The following TBC1D1 variants were observed in gnomAD, a reference collection of about 807,000 sequenced individuals.
TBC1D1 encodes the protein TBC1 (tre-2/USP6, BUB2, cdc16) domain family, member 1.
A neutral mutation model predicts 125.6 loss-of-function variants in TBC1D1; 89 were observed. The ratio of observed to expected loss-of-function variants is 0.71; its 90% CI spans 0.60 to 0.85. TBC1D1 has a LOEUF of 0.85. TBC1D1 is among the 40% of genes least tolerant of loss of function. The pLI is 0.00. For missense variants in TBC1D1, 1,377 were observed against 1,469.2 expected (o/e 0.94, Z 1.03); for synonymous variants, 565 against 564.1 (o/e 1.00, Z -0.02).
chr4:37,919,343 T>G (rs1254567372), intron 2 of TBC1D1, among the ~76,000 whole-genome samples: 1 of 151,174 alleles, frequency 6.6e-6, no homozygotes, highest in East Asian at 1.9e-4. Context: ...TGTTTTTGTT[T>G]TTTTTTTTTT....
At chr4:38,062,838 C>T (rs1010702841) in intron 12 of TBC1D1, among the ~76,000 whole-genome samples, 1 of 152,154 alleles carries the variant, frequency 6.6e-6, no homozygotes, top group Non-Finnish European at 1.5e-5. Context: ...TTATTGGTGA[C>T]ACAAGATAGC....
chr4:37,985,268 T>A (rs903620922), intron 2 of TBC1D1, among the ~76,000 whole-genome samples: 4 of 152,236 alleles, frequency 2.6e-5, no homozygotes, highest in African/African-American at 9.6e-5. Context: ...TTATGATATT[T>A]ATGAATCTAA....
chr4:38,133,962 G>A (rs550169274), intron 19 of TBC1D1, among the ~76,000 whole-genome samples: 30 of 152,282 alleles, frequency 2.0e-4, no homozygotes, highest in African/African-American at 6.7e-4. Context: ...GCGGAGTGCA[G>A]CTCTTTTGTC....
intron 19 of TBC1D1, among the ~76,000 whole-genome samples, chr4:38,135,922 ATATGTGTGTG>A (rs1560284558): frequency 3.9e-5 from 3 of 76,760 alleles, no homozygotes; most frequent in Non-Finnish European, 8.0e-5. Flanking sequence ...GTGTGTGTGT[ATATGTGTGTG>A]TGTGTGTGTG....
chr4:37,899,161 T>TCACCAGAATG (rs1715295055), intron 1 of TBC1D1, among the ~76,000 whole-genome samples: 1 of 151,646 alleles, frequency 6.6e-6, no homozygotes, highest in Admixed American at 6.6e-5. Context: ...GAAAGAGTAG[T>TCACCAGAATG]TGGTGAAGTC....
chr4:37,933,061 AAACAAAAAAAC>A (rs1723612873), intron 2 of TBC1D1, among the ~76,000 whole-genome samples: 1 of 151,730 alleles, frequency 6.6e-6, no homozygotes, highest in African/African-American at 2.4e-5. Flanking sequence ...AAAAACAAAA[AAACAAAAAAAC>A]AAAAAAAACT....
intron 6 of TBC1D1, among the ~76,000 whole-genome samples, chr4:38,022,784 A>G (rs75632541): frequency 0.011 from 1,660 of 152,268 alleles, 28 homozygotes; most frequent in African/African-American, 0.038. Flanking sequence ...TGGAAGGTGA[A>G]GGAGTTTTCA....
intron 2 of TBC1D1, among the ~76,000 whole-genome samples, chr4:37,970,511 A>G (rs1731819839): frequency 6.6e-6 from 1 of 152,218 alleles, no homozygotes; most frequent in African/African-American, 2.4e-5. Flanking sequence ...CACCTTCTGT[A>G]AATGGCCTGA....
intron 12 of TBC1D1, among the ~76,000 whole-genome samples, chr4:38,079,874 A>G (rs1756253786): frequency 6.6e-6 from 1 of 152,248 alleles, no homozygotes; most frequent in Non-Finnish European, 1.5e-5. Flanking sequence ...ATAACGTGAA[A>G]TATCCAATTA....
Position 37,902,401 on chromosome 4 carries a change from CA to C in TBC1D1, c.309del (p.Lys103AsnfsTer2). 6.2e-7 allele frequency: 1 copy of C among 1,614,208 alleles called. No homozygotes were observed. On this transcript the variant is annotated frameshift_variant, in exon 2 of 20. Coordinates refer to ENST00000261439, the MANE Select transcript of TBC1D1 (RefSeq NM_015173.4). LOFTEE classifies it high-confidence loss of function. ...TTGAGTGCAAGCCTCAGCGTGTTCA[CA>C]AACTGATTCACAACAGTCATGACCC...
At chr4:37,994,584 C>T (rs1737350071) in intron 2 of TBC1D1, among the ~76,000 whole-genome samples, 1 of 152,196 alleles carries the variant, frequency 6.6e-6, no homozygotes, top group Non-Finnish European at 1.5e-5. Flanking sequence ...GCTAATGCCT[C>T]TTTCCTGCGA....
intron 12 of TBC1D1, among the ~76,000 whole-genome samples, chr4:38,078,040 A>ACTT (rs1315058313): frequency 1.3e-5 from 2 of 152,164 alleles, no homozygotes; most frequent in African/African-American, 2.4e-5. Context: ...CTTAAAGTTA[A>ACTT]AGAACAGCAA....
intron 14 of TBC1D1, among the ~76,000 whole-genome samples, chr4:38,098,536 C>G (rs1447953576): frequency 1.3e-5 from 2 of 152,216 alleles, no homozygotes; most frequent in Non-Finnish European, 2.9e-5. Context: ...ATTCTGTATA[C>G]TGGAGTGAGC....
At chr4:38,115,349 A>G (rs675536) in intron 15 of TBC1D1, among the ~76,000 whole-genome samples, 108,845 of 151,416 alleles carry the variant, frequency 0.72, 39,393 homozygotes, top group African/African-American at 0.79. Flanking sequence ...CGATCCTTCC[A>G]CCTAGGCCTC....
At position 38,020,676 on chromosome 4, in the gene TBC1D1, A is replaced by G. The variant is rs1743827470; in HGVS notation, c.1058A>G (p.Gln353Arg). 5.0e-6 allele frequency: 8 copies of G among 1,612,208 alleles called. No homozygotes were observed. The highest frequency in any genetic ancestry group is 2.2e-5 in the East Asian group (1 of 44,740). Residue 353 changes from glutamine to arginine, a missense_variant, in exon 5 of 20, where the codon CAG becomes CGG. Gln to Arg is a conservative substitution (Grantham distance 43, BLOSUM62 1). This residue lies in a region of TBC1D1 where 822 missense variants were observed against 824.6 expected (regional missense o/e 1.00). Transcript: ENST00000261439. ...TTTCATTTTGTCTGTTACGTGTTTC[A>G]GTGCACAAATGAGGCTCTGGTGAGA...
At chr4:38,123,131 CTA>C (rs1764122444) in intron 17 of TBC1D1, among the ~76,000 whole-genome samples, 1 of 152,210 alleles carries the variant, frequency 6.6e-6, no homozygotes, top group Non-Finnish European at 1.5e-5. Flanking sequence ...GGTACTGTAC[CTA>C]ATTTAAGGCA....
chr4:38,074,262 C>T (rs142630547), intron 12 of TBC1D1, among the ~76,000 whole-genome samples: 621 of 152,296 alleles, frequency 4.1e-3, no homozygotes, highest in African/African-American at 0.015. Flanking sequence ...TTTCAAAACT[C>T]ATGATGGGGA....
At chr4:37,892,895 C>G (rs1487465828) in intron 1 of TBC1D1, among the ~76,000 whole-genome samples, 2 of 152,158 alleles carry the variant, frequency 1.3e-5, no homozygotes, top group Admixed American at 1.3e-4. Context: ...TAATCCCTGT[C>G]CCCCACTTCC....
At chr4:38,090,923 A>G (rs1367265054) in intron 13 of TBC1D1, among the ~76,000 whole-genome samples, 1 of 152,218 alleles carries the variant, frequency 6.6e-6, no homozygotes, top group African/African-American at 2.4e-5. Context: ...TTGATTGCAA[A>G]TTTTGATCTT....
Sources: allele counts gnomAD v4.1 joint callset (sites outside exome capture counted in the v4.1 genomes callset), GRCh38; gene constraint gnomAD v4.1.1; regional missense constraint gnomAD v4.1.1; transcripts MANE v1.5; gene names NCBI Gene and HGNC (gene_info 2026-07-23, HGNC 2026-07-21).